Variants in RORA observed in about 807,000 individuals in gnomAD.
RORA encodes RAR related orphan receptor A.
In RORA, 7 loss-of-function variants were observed where a neutral mutation model predicts 69.5. That is an observed-to-expected ratio of 0.10 (90% CI 0.06 to 0.19). The LOEUF is 0.19. RORA is among the 10% of genes least tolerant of loss of function. The pLI is 1.00. For missense variants in RORA, 457 were observed against 663.0 expected, an observed-to-expected ratio of 0.69 and a Z score of 3.41; for synonymous variants, 261 against 240.8, an observed-to-expected ratio of 1.08 and a Z score of -0.78.
intron 1 of RORA, among the ~76,000 whole-genome samples, chr15:60,997,085 A>T (rs1894575027): frequency 1.3e-5 from 2 of 151,750 alleles, no homozygotes; most frequent in African/African-American, 4.8e-5. Flanking sequence ...TGCTATTCTT[A>T]TAAACTGAAA....
At chr15:61,120,379 A>C (rs549547833) in intron 1 of RORA, among the ~76,000 whole-genome samples, 1 of 151,698 alleles carries the variant, frequency 6.6e-6, no homozygotes, top group South Asian at 2.1e-4. Flanking sequence ...AGAGCTGAAG[A>C]CCATTGTTCC....
intron 1 of RORA, among the ~76,000 whole-genome samples, chr15:61,058,176 G>C (rs561892924): frequency 1.3e-5 from 2 of 152,254 alleles, no homozygotes; most frequent in South Asian, 2.1e-4. Context: ...GAACCCGCAA[G>C]GTGTTGTGAG....
chr15:60,538,470 T>G (rs1441803312), intron 2 of RORA, among the ~76,000 whole-genome samples: 5 of 148,884 alleles, frequency 3.4e-5, no homozygotes, highest in Admixed American at 1.3e-4. Flanking sequence ...TGGCAAAGAT[T>G]GCGATGCTGT....
In RORA at chr15:60,644,890, T is replaced by C. The variant is rs80190703; in HGVS notation, c.196+33767A>G. 5.3e-5 allele frequency among the ~76,000 whole-genome samples: 8 copies of C among 152,280 alleles called. No individual in the cohort carries two copies. In the East Asian group the frequency reaches 1.5e-3, roughly 29 times the overall value. ...AATCACTGGGCCCGTCTTATGAAGG[T>C]GGCTAAGCCTTCTTTTTTTCAGTAT... is the stretch of plus-strand genomic sequence containing the variant. On this transcript the variant is annotated intron_variant, in intron 2 of 10. Coordinates refer to ENST00000335670, the MANE Select transcript of RORA (RefSeq NM_134261.3).
chr15:60,684,022 T>G (rs1229986758), intron 1 of RORA, among the ~76,000 whole-genome samples: 1 of 152,192 alleles, frequency 6.6e-6, no homozygotes, highest in African/African-American at 2.4e-5. Flanking sequence ...ACCAGTTAAC[T>G]TTCTTGACTG....
intron 1 of RORA, among the ~76,000 whole-genome samples, chr15:61,185,383 G>C (rs930176170): frequency 2.3e-5 from 2 of 87,664 alleles, no homozygotes; most frequent in African/African-American, 3.4e-5. Context: ...AGACTGGCAG[G>C]ATCTCTATAC....
rs943309616 is a variant in RORA, at chr15:60,511,383, G to A, written c.663C>T (p.Phe221=). 3.1e-6 allele frequency: 5 copies of A among 1,614,104 alleles called. No individual in the cohort carries two copies. Among genetic ancestry groups the A allele is most frequent in the Admixed American group, 1.7e-5 (1 of 60,014 alleles). The change falls in exon 5 of 11, where the codon TTC becomes TTT. Residue 221 remains phenylalanine, a synonymous_variant. Transcript: ENST00000335670. This position sits in a 1 kb window ranked among gnomAD's most constrained non-coding sequence, Gnocchi z 6.4. ...CTGGGGAAGGCTGTATGTCCAGGTAGAAGCTGCTGACGGCGGAGTCTGCCT... is the reference window on the plus strand; with the variant it reads ...CTGGGGAAGGCTGTATGTCCAGGTAAAAGCTGCTGACGGCGGAGTCTGCCT... The part of the protein sequence containing the change: ...GSKADSAVSS[F]YLDIQPSPDQ...
chr15:60,890,001 C>A (rs1246162437), intron 1 of RORA, among the ~76,000 whole-genome samples: 1 of 152,150 alleles, frequency 6.6e-6, no homozygotes, highest in Non-Finnish European at 1.5e-5. Context: ...GAAAATGTAT[C>A]ATACATGTAT....
chr15:60,500,877 G>C, intron 9 of RORA, 82 bp downstream of exon 9: 1 of 728,020 alleles, frequency 1.4e-6, no homozygotes, highest in South Asian at 1.8e-5. Flanking sequence ...ATATTTTATA[G>C]CTATTAAACG....
At chr15:60,861,780 CTATT>C (rs1447995664) in intron 1 of RORA, among the ~76,000 whole-genome samples, 1 of 152,162 alleles carries the variant, frequency 6.6e-6, no homozygotes, top group Non-Finnish European at 1.5e-5. Flanking sequence ...AAGCTTGCCT[CTATT>C]TAAATAGCCC....
Position 60,907,044 on chromosome 15 carries a change from C to T in RORA, c.167-228358G>A, listed in dbSNP as rs140985334. 1.7e-4 allele frequency among the ~76,000 whole-genome samples: 26 copies of T among 152,246 alleles called. 1 individual carries two copies. The highest frequency in any genetic ancestry group is 5.8e-4 in the African/African-American group (24 of 41,548). The stretch of plus-strand genomic sequence containing the variant: ...AGGAGGGAGCACCAGGGTTTGAACC[C>T]GATTTTCTGACTCTGAGGCTCGTTC... On this transcript the variant is annotated intron_variant, in intron 1 of 10. Coordinates refer to ENST00000335670, the MANE Select transcript of RORA (RefSeq NM_134261.3).
At chr15:60,912,883 T>A (rs1327898122) in intron 1 of RORA, among the ~76,000 whole-genome samples, 1 of 152,212 alleles carries the variant, frequency 6.6e-6, no homozygotes, top group Non-Finnish European at 1.5e-5. Context: ...ACAACTGCTT[T>A]ACTGAGGCAT....
rs148144051 is a variant in RORA, at chr15:60,646,744, G to A, written c.196+31913C>T. Among the ~76,000 whole-genome samples the A allele has an allele frequency of 1.9e-3, 282 of 152,314 alleles. 1 individual carries two copies. Among genetic ancestry groups the A allele is most frequent in the African/African-American group, 6.3e-3 (263 of 41,564 alleles). On this transcript the variant is annotated intron_variant, in intron 2 of 10. Coordinates refer to ENST00000335670, the MANE Select transcript of RORA (RefSeq NM_134261.3). Reference sequence around the variant, plus strand: ...TCCCTGCACCAAGACCCAGGGTGATGAGGCTGGATTGCACATGGGGCGTGG... The same window carrying A: ...TCCCTGCACCAAGACCCAGGGTGATAAGGCTGGATTGCACATGGGGCGTGG...
intron 1 of RORA, among the ~76,000 whole-genome samples, chr15:60,859,265 T>C (rs1235446133): frequency 6.6e-6 from 1 of 152,058 alleles, no homozygotes; most frequent in Admixed American, 6.5e-5. Flanking sequence ...CTAAGGACAA[T>C]GGCTTTGTCG....
At chr15:61,181,291 A>G (rs2079683290) in intron 1 of RORA, 1 of 152,170 alleles carries the variant, frequency 6.6e-6, no homozygotes, top group Non-Finnish European at 1.5e-5. Context: ...AAGGGTAGCC[A>G]TTCTACCATT....
chr15:60,997,945 C>A (rs1001984550), intron 1 of RORA, among the ~76,000 whole-genome samples: 2 of 152,204 alleles, frequency 1.3e-5, no homozygotes, highest in Non-Finnish European at 2.9e-5. Context: ...GTCTTCAACA[C>A]ATTGTTTATG....
At chr15:60,612,074 G>A (rs909623611) in intron 2 of RORA, among the ~76,000 whole-genome samples, 11 of 152,138 alleles carry the variant, frequency 7.2e-5, no homozygotes, top group African/African-American at 2.7e-4. Flanking sequence ...CCAGAGAAAT[G>A]TTTCCTCAAG....
chr15:60,518,142 G>A (rs1017657102), intron 3 of RORA, among the ~76,000 whole-genome samples: 1 of 152,186 alleles, frequency 6.6e-6, no homozygotes, highest in Non-Finnish European at 1.5e-5. Flanking sequence ...GGGATTCCAA[G>A]TGCGAGCCCA....
intron 1 of RORA, among the ~76,000 whole-genome samples, chr15:60,695,387 A>G (rs1280605131): frequency 2.0e-5 from 3 of 152,116 alleles, no homozygotes; most frequent in South Asian, 2.1e-4. Context: ...GAGGGTGCCA[A>G]TATCCATCCG....
Sources: gnomAD v4.1 joint callset for allele counts (sites outside exome capture counted in the v4.1 genomes callset) on GRCh38, gnomAD v4.1.1 for gene constraint, Gnocchi (gnomAD v3.1) non-coding constraint, MANE v1.5 for transcripts, NCBI Gene and HGNC (gene_info 2026-07-23, HGNC 2026-07-21) for gene names.